The following RIN2 variants were observed in gnomAD, a reference collection of about 807,000 sequenced individuals.
RIN2 encodes the protein RAB5 interacting protein 2.
In RIN2, 36 loss-of-function variants were observed where a neutral mutation model predicts 78.0. The observed-to-expected ratio is 0.46, with a 90% CI of 0.35 to 0.61. RIN2 has a LOEUF of 0.61. Among genes scored for constraint, RIN2 ranks in the 20% least tolerant of loss-of-function variants. The pLI, the probability that RIN2 is intolerant of heterozygous loss-of-function variation, is 0.00. For synonymous variants in RIN2, 466 were observed against 466.8 expected, an observed-to-expected ratio of 1.00 and a Z score of 0.02; for missense variants, 1,087 against 1,159.7, an observed-to-expected ratio of 0.94 and a Z score of 0.91.
chr20:19,899,669 C>T (rs762902443), intron 3 of RIN2, among the ~76,000 whole-genome samples: 24 of 152,122 alleles, frequency 1.6e-4, no homozygotes, highest in Non-Finnish European at 3.4e-4. Context: ...TGGCAGGTCT[C>T]GGTCCATTGT....
chr20:19,904,788 A>G (rs916507877), intron 3 of RIN2, among the ~76,000 whole-genome samples: 3 of 152,210 alleles, frequency 2.0e-5, no homozygotes, highest in African/African-American at 7.2e-5. Flanking sequence ...CTCACCCGGC[A>G]TTAGCACTGT....
intron 2 of RIN2, chr20:19,809,048 G>A (rs2035504287): frequency 6.6e-6 from 1 of 152,294 alleles, no homozygotes; most frequent in Non-Finnish European, 1.5e-5. Context: ...TCTGCCTAGG[G>A]TTCTGAATGA....
intron 1 of RIN2, among the ~76,000 whole-genome samples, 185 bp downstream of exon 1, chr20:19,758,512 C>A (rs1315702364): frequency 6.6e-6 from 1 of 151,616 alleles, no homozygotes; most frequent in Non-Finnish European, 1.5e-5. Context: ...TCGTGGGGAA[C>A]GGAAGGGGGA....
chr20:19,764,842 A>G (rs1374986326), intron 1 of RIN2, among the ~76,000 whole-genome samples: 1 of 150,760 alleles, frequency 6.6e-6, no homozygotes, highest in Non-Finnish European at 1.5e-5. Context: ...TCATTTGGTG[A>G]ATAAACCTGC....
rs773640903 is a variant in RIN2 at position 19,960,788 on chromosome 20, T to C, written c.440T>C (p.Phe147Ser). The change falls in exon 6 of 13, where the codon TTT (phenylalanine) becomes TCT (serine). Residue 147 changes from phenylalanine (F) to serine (S), a missense_variant. By Grantham distance (155) the Phe-to-Ser change is radical (BLOSUM62 -2). Coordinates refer to ENST00000255006, the MANE Select transcript of RIN2 (RefSeq NM_018993.4). ...GAATTTGGGGCCCCACTCAAGGAAT[T>C]TGCCATAAAGGAAAGCACATACAGT... ...PCEFGAPLKEFAIKESTYTFS... is the reference protein window; with the variant it reads ...PCEFGAPLKESAIKESTYTFS... The C allele has an allele frequency of 1.9e-5, 31 of 1,599,198 alleles. No individual in the cohort carries two copies. Among genetic ancestry groups the C allele is most frequent in the Non-Finnish European group, 2.6e-5 (30 of 1,172,740 alleles).
intron 1 of RIN2, among the ~76,000 whole-genome samples, chr20:19,793,479 A>G (rs1173728470): frequency 2.0e-5 from 3 of 152,170 alleles, no homozygotes; most frequent in African/African-American, 7.2e-5. Context: ...GGAGATGGCA[A>G]TGCCTTTCTC....
intron 1 of RIN2, among the ~76,000 whole-genome samples, chr20:19,793,573 G>A (rs111536248): frequency 0.017 from 2,503 of 150,428 alleles, 63 homozygotes; most frequent in African/African-American, 0.058. Context: ...TTCACAGCTG[G>A]CCTAATCCTG....
At chr20:19,916,643 A>G (rs1373383163) in intron 3 of RIN2, among the ~76,000 whole-genome samples, 1 of 152,208 alleles carries the variant, frequency 6.6e-6, no homozygotes, top group Non-Finnish European at 1.5e-5. Flanking sequence ...TGCTCCCCAG[A>G]AATGATCATC....
Position 20,000,690 on chromosome 20 carries a change from C to T in RIN2, c.2442C>T (p.Thr814=). The change falls in exon 13 of 13, where the codon ACC becomes ACT. Residue 814 remains threonine (T), a synonymous_variant. Coordinates refer to ENST00000255006, the MANE Select transcript of RIN2 (RefSeq NM_018993.4). ...GKTLLVRPYI[T]TEDVCQICAE... ...CCCTCCTTGTGAGACCTTACATCAC[C>T]ACTGAGGATGTGTGTCAGATCTGCG... 4 of 1,613,934 alleles carry T rather than the reference C, an allele frequency of 2.5e-6. No homozygotes were observed. Among genetic ancestry groups the T allele is most frequent in the Non-Finnish European group, 2.5e-6 (3 of 1,179,836 alleles).
chr20:19,921,849 GTTGTTTGTTTGT>G (rs71198035), intron 3 of RIN2, among the ~76,000 whole-genome samples: 1,918 of 150,614 alleles, frequency 0.013, 28 homozygotes, highest in African/African-American at 0.036. Context: ...GGATCTGTCG[GTTGTTTGTTTGT>G]TTGTTTGTTT....
At chr20:19,936,867 C>CT (rs35005065) in intron 4 of RIN2, among the ~76,000 whole-genome samples, 24 of 152,058 alleles carry the variant, frequency 1.6e-4, no homozygotes, top group East Asian at 1.4e-3. Flanking sequence ...TTTTATTTGG[C>CT]TTTTTTTTAA....
At chr20:19,847,631 G>A (rs1335880638) in intron 2 of RIN2, among the ~76,000 whole-genome samples, 1 of 152,050 alleles carries the variant, frequency 6.6e-6, no homozygotes, top group African/African-American at 2.4e-5. Flanking sequence ...TGCAATCAGT[G>A]TAAAATACAT....
At chr20:19,809,536 G>C (rs567104642) in intron 2 of RIN2, 2 of 152,354 alleles carry the variant, frequency 1.3e-5, no homozygotes, top group Admixed American at 1.3e-4. Context: ...TGCATCCTTC[G>C]AATGTCCTGA....
chr20:19,975,638 G>A lies in RIN2; in HGVS notation c.1613G>A (p.Ser538Asn). Residue 538 changes from serine to asparagine, a missense_variant, in exon 9 of 13, where the codon AGC becomes AAC. Around this residue, in one of 8 missense-constraint regions of RIN2, gnomAD observed 34 missense variants for 46.1 expected, o/e 0.74. Coordinates refer to ENST00000255006, the MANE Select transcript of RIN2 (RefSeq NM_018993.4). The surrounding 1 kb of genome is among the most constrained non-coding windows in gnomAD (Gnocchi z 4.9). Reference protein sequence around the residue: ...YFGCLVQDYVSFLQENKECHV... With the variant: ...YFGCLVQDYVNFLQENKECHV... ...GGGTGCTTAGTGCAGGACTACGTGA[G>A]CTTCCTGCAGGAGAACAAGGAGTGC... is the stretch of plus-strand genomic sequence containing the variant. 2 of 1,613,860 alleles carry A rather than the reference G, an allele frequency of 1.2e-6. No individual in the cohort carries two copies. The highest frequency in any genetic ancestry group is 1.7e-6 in the Non-Finnish European group (2 of 1,179,890).
intron 3 of RIN2, among the ~76,000 whole-genome samples, chr20:19,895,100 G>A (rs2038661716): frequency 6.6e-6 from 1 of 152,018 alleles, no homozygotes; most frequent in Admixed American, 6.6e-5. Flanking sequence ...CCAGGCTTTA[G>A]ACCCACTTCA....
intron 1 of RIN2, among the ~76,000 whole-genome samples, chr20:19,783,733 C>T (rs1208899147): frequency 6.6e-6 from 1 of 152,162 alleles, no homozygotes; most frequent in East Asian, 1.9e-4. Context: ...ACAGCTAGAG[C>T]TTACCCCTGC....
chr20:19,876,868 T>C (rs1471968853), intron 2 of RIN2, among the ~76,000 whole-genome samples: 2 of 148,320 alleles, frequency 1.3e-5, no homozygotes, highest in Non-Finnish European at 3.0e-5. Flanking sequence ...ATCTCACCAC[T>C]GCACTCCAGC....
At chr20:19,934,469 C>T in intron 3 of RIN2, 1 of 985,204 alleles carries the variant, frequency 1.0e-6, no homozygotes, top group Non-Finnish European at 1.2e-6. Context: ...CCGCCTTTTC[C>T]CCTAGATGGC....
rs1282246269 is a variant in RIN2 at position 19,790,266 on chromosome 20, C to A, written c.-162-9356C>A. ...ATAATCATACACCCACCGACACCAG[C>A]AACTGCCCCAGTCTTACAAGGCTAG... On this transcript the variant is annotated intron_variant, in intron 1 of 12. Transcript: ENST00000255006. Among the ~76,000 whole-genome samples, 10 of 152,186 alleles carry A rather than the reference C, an allele frequency of 6.6e-5. No homozygotes were observed. The East Asian group carries it at 1.2e-3, about 18-fold the overall frequency.
Sources: gnomAD v4.1 joint callset for allele counts (sites outside exome capture counted in the v4.1 genomes callset) on GRCh38, gnomAD v4.1.1 for gene constraint, gnomAD v4.1.1 regional missense constraint, Gnocchi (gnomAD v3.1) non-coding constraint, MANE v1.5 for transcripts, NCBI Gene and HGNC (gene_info 2026-07-23, HGNC 2026-07-21) for gene names.